PTPRD: variants seen among roughly 807,000 people sequenced by gnomAD.
PTPRD encodes protein tyrosine phosphatase receptor type D.
Under a neutral mutation model 214.5 loss-of-function variants are expected in PTPRD, and 34 were observed. That is an observed-to-expected ratio of 0.16 (90% confidence interval 0.12 to 0.21). The LOEUF (loss-of-function observed/expected upper bound fraction) is 0.21. PTPRD is among the 10% of genes least tolerant of loss of function. The pLI is 1.00. For missense variants in PTPRD, 2,545 were observed against 2,398.7 expected, an observed-to-expected ratio of 1.06 and a Z score of -1.27; for synonymous variants, 1,128 against 845.7, an observed-to-expected ratio of 1.33 and a Z score of -5.79.
intron 9 of PTPRD, among the ~76,000 whole-genome samples, chr9:9,291,365 A>G (rs1190443708): frequency 6.6e-6 from 1 of 151,464 alleles, no homozygotes; most frequent in Non-Finnish European, 1.5e-5. Context: ...ATGCAGACAT[A>G]AAGAAATGTC....
At position 10,424,645 on chromosome 9, in the gene PTPRD, C is replaced by G. The variant is rs577077811; in HGVS notation, c.-599-83628G>C. 7.1e-4 allele frequency among the ~76,000 whole-genome samples: 108 copies of G among 151,920 alleles called. 2 individuals carry two copies. In the South Asian group the frequency reaches 0.02, roughly 28 times the overall value. On this transcript the variant is annotated intron_variant, in intron 2 of 45. Coordinates refer to ENST00000381196, the MANE Select transcript of PTPRD (RefSeq NM_002839.4). ...AACCATGACAGGGATGTATGTAATG[C>G]AACGAAGAACAAGCAAAGGGGTTTG...
chr9:8,993,240 C>A (rs978496101), intron 11 of PTPRD, among the ~76,000 whole-genome samples: 2 of 152,112 alleles, frequency 1.3e-5, no homozygotes, highest in African/African-American at 2.4e-5. Flanking sequence ...TGTTTACAAG[C>A]TGTGAGCCCC....
intron 2 of PTPRD, among the ~76,000 whole-genome samples, chr9:10,395,555 G>C (rs1445682352): frequency 7.2e-5 from 11 of 152,004 alleles, no homozygotes; most frequent in Middle Eastern, 3.4e-3. Context: ...AAAGCAATGA[G>C]AAATAAGATG....
At chr9:9,558,253 A>G (rs929918938) in intron 8 of PTPRD, among the ~76,000 whole-genome samples, 1 of 152,248 alleles carries the variant, frequency 6.6e-6, no homozygotes, top group African/African-American at 2.4e-5. Context: ...CAATAGTGGC[A>G]CAGAGCCAAG....
At chr9:9,202,924 C>T (rs990438584) in intron 9 of PTPRD, among the ~76,000 whole-genome samples, 2 of 152,164 alleles carry the variant, frequency 1.3e-5, no homozygotes, top group South Asian at 2.1e-4. Context: ...ATGTTCTCTT[C>T]CAATGTCTGA....
intron 5 of PTPRD, among the ~76,000 whole-genome samples, chr9:9,926,444 G>C (rs1028091229): frequency 2.0e-5 from 3 of 151,994 alleles, no homozygotes; most frequent in African/African-American, 7.2e-5. Flanking sequence ...ATATCAAGGA[G>C]GCTATGAAAG....
chr9:8,333,054 T>A (rs895629958), intron 43 of PTPRD, among the ~76,000 whole-genome samples: 1 of 152,148 alleles, frequency 6.6e-6, no homozygotes, highest in Non-Finnish European at 1.5e-5. Context: ...GCCTGGTGGT[T>A]TTCACAGGGA....
chr9:9,961,159 TATTTAAAATTTGTATATA>T (rs1311368838), intron 4 of PTPRD, among the ~76,000 whole-genome samples: 1 of 152,180 alleles, frequency 6.6e-6, no homozygotes, highest in African/African-American at 2.4e-5. Flanking sequence ...TATATGCATA[TATTTAAAATTTGTATATA>T]TAAATATAGC....
rs549812103 is a variant in PTPRD, at chr9:8,461,892, C to T, written c.3715-1321G>A. On this transcript the variant is annotated intron_variant, in intron 32 of 45. Transcript: ENST00000381196. The stretch of plus-strand genomic sequence containing the variant: ...CTCGAACTCCTGGTCTCAAACAATC[C>T]TCCAGCCTTGGCCTCCCAAAGTTCT... Among the ~76,000 whole-genome samples the T allele has an allele frequency of 2.5e-3, 373 of 152,066 alleles. 5 individuals are homozygous for T. The highest frequency in any genetic ancestry group is 0.022 in the South Asian group (104 of 4,816).
intron 5 of PTPRD, among the ~76,000 whole-genome samples, chr9:9,910,220 T>C (rs2078804422): frequency 6.6e-6 from 1 of 152,032 alleles, no homozygotes; most frequent in Admixed American, 6.6e-5. Context: ...GTTAAGCTGA[T>C]GAAAATTGTA....
rs968663941 is a variant in PTPRD at position 8,954,316 on chromosome 9, A to C, written c.-104+64381T>G. On this transcript the variant is annotated intron_variant, in intron 11 of 45. Transcript: ENST00000381196. Reference sequence around the variant, plus strand: ...ACTAAGTACACATGAACATAAAAAAAGGAGCAAAAGACGCTGGGGACTACT... The same window carrying C: ...ACTAAGTACACATGAACATAAAAAACGGAGCAAAAGACGCTGGGGACTACT... Among the ~76,000 whole-genome samples the C allele has an allele frequency of 2.6e-5, 4 of 151,972 alleles. No individual in the cohort carries two copies. In the South Asian group the frequency reaches 8.3e-4, roughly 31 times the overall value.
At chr9:9,689,873 C>T (rs985543185) in intron 7 of PTPRD, among the ~76,000 whole-genome samples, 3 of 151,784 alleles carry the variant, frequency 2.0e-5, no homozygotes, top group African/African-American at 7.2e-5. Context: ...TTTCGTTATC[C>T]ATTCATCCAT....
intron 12 of PTPRD, among the ~76,000 whole-genome samples, chr9:8,687,036 T>C (rs1248367774): frequency 1.3e-5 from 2 of 152,174 alleles, no homozygotes; most frequent in Admixed American, 1.3e-4. Context: ...GAAAAATCAA[T>C]TAAAATTATC....
chr9:10,309,148 G>A (rs1225367071), intron 3 of PTPRD, among the ~76,000 whole-genome samples: 3 of 151,898 alleles, frequency 2.0e-5, no homozygotes, highest in Admixed American at 6.6e-5. Flanking sequence ...CAGAGATGAC[G>A]GATTTCATCT....
intron 2 of PTPRD, among the ~76,000 whole-genome samples, chr9:10,430,760 T>A (rs1353474132): frequency 6.6e-6 from 1 of 152,066 alleles, no homozygotes; most frequent in African/African-American, 2.4e-5. Context: ...AAGATTGTTA[T>A]GTTTTAGTCA....
chr9:8,742,412 A>G (rs2092141598), intron 11 of PTPRD, among the ~76,000 whole-genome samples: 1 of 152,210 alleles, frequency 6.6e-6, no homozygotes, highest in Non-Finnish European at 1.5e-5. Flanking sequence ...GAATACATGG[A>G]TATGAAACTA....
chr9:8,511,399 G>A (rs1007031211), intron 21 of PTPRD, among the ~76,000 whole-genome samples: 1 of 151,726 alleles, frequency 6.6e-6, no homozygotes, highest in Non-Finnish European at 1.5e-5. Context: ...TTATGCTCTT[G>A]TAATCACTAC....
chr9:9,758,808 C>G (rs2098618083), intron 6 of PTPRD, among the ~76,000 whole-genome samples: 1 of 144,748 alleles, frequency 6.9e-6, no homozygotes, highest in Non-Finnish European at 1.5e-5. Flanking sequence ...TCAAGTCTCT[C>G]TTGTGTACAG....
chr9:10,511,049 G>T (rs1389309044), intron 2 of PTPRD, among the ~76,000 whole-genome samples: 2 of 152,066 alleles, frequency 1.3e-5, no homozygotes, highest in Admixed American at 1.3e-4. Context: ...ACATGTTATT[G>T]TAAATGTACT....
Sources: gnomAD v4.1 joint callset for allele counts (sites outside exome capture counted in the v4.1 genomes callset) on GRCh38, gnomAD v4.1.1 for gene constraint, MANE v1.5 for transcripts, NCBI Gene and HGNC (gene_info 2026-07-23, HGNC 2026-07-21) for gene names.